RANBP2: variants seen among roughly 807,000 people sequenced by gnomAD.
RANBP2 encodes E3 SUMO-protein ligase RanBP2.
In RANBP2, 57 loss-of-function variants were observed where a neutral mutation model predicts 303.6. The observed-to-expected ratio is 0.19, with a 90% CI of 0.15 to 0.23. RANBP2 has a LOEUF of 0.23. Ranked by LOEUF, RANBP2 falls within the 10% of genes least tolerant of loss-of-function variation. The pLI is 1.00. For missense variants in RANBP2, 3,138 were observed against 3,780.8 expected, an observed-to-expected ratio of 0.83 and a Z score of 4.46; for synonymous variants, 1,167 against 1,301.5, an observed-to-expected ratio of 0.90 and a Z score of 2.23.
chr2:108,946,968 A>T, the RANBP2 span, among the ~76,000 whole-genome samples: 1 of 152,126 alleles, frequency 6.6e-6, no homozygotes, highest in African/African-American at 2.4e-5. Flanking sequence ...TCCAGCATTA[A>T]CCCAAAAGTC....
chr2:109,252,043 T>TA, the RANBP2 span, among the ~76,000 whole-genome samples: 1 of 151,992 alleles, frequency 6.6e-6, no homozygotes, highest in African/African-American at 2.4e-5. Flanking sequence ...GCTAAGGAGT[T>TA]AGAGATCAGC....
At chr2:109,572,587 C>A in the RANBP2 span, among the ~76,000 whole-genome samples, 1 of 147,794 alleles carries the variant, frequency 6.8e-6, no homozygotes, top group Non-Finnish European at 1.5e-5. Flanking sequence ...GACAGGTAGA[C>A]TTCAGCTAAC....
the RANBP2 span, among the ~76,000 whole-genome samples, chr2:109,482,176 G>T: frequency 6.6e-6 from 1 of 152,132 alleles, no homozygotes. Context: ...CTCAGAGCCT[G>T]TTTTTTCTTC....
the RANBP2 span, among the ~76,000 whole-genome samples, chr2:109,062,674 C>T: frequency 1.3e-5 from 2 of 152,212 alleles, no homozygotes; most frequent in African/African-American, 2.4e-5. Context: ...GGCCTTACAC[C>T]TCCTTCCGAA....
At chr2:109,535,957 G>C in the RANBP2 span, among the ~76,000 whole-genome samples, 1 of 148,890 alleles carries the variant, frequency 6.7e-6, no homozygotes, top group Non-Finnish European at 1.5e-5. Flanking sequence ...CAAGTGCACA[G>C]AAGTCAAGAA....
At chr2:109,466,037 G>A in the RANBP2 span, among the ~76,000 whole-genome samples, 1 of 144,658 alleles carries the variant, frequency 6.9e-6, no homozygotes, top group East Asian at 2.2e-4. Context: ...ATAATGCTGA[G>A]CATCTTTTCA....
chr2:109,712,766 A>G, the RANBP2 span, among the ~76,000 whole-genome samples: 1 of 152,224 alleles, frequency 6.6e-6, no homozygotes, highest in African/African-American at 2.4e-5. Context: ...ATTGGCATAA[A>G]GGCAAATATA....
chr2:109,274,332 A>G, the RANBP2 span, among the ~76,000 whole-genome samples: 1 of 152,242 alleles, frequency 6.6e-6, no homozygotes, highest in African/African-American at 2.4e-5. Flanking sequence ...CAAGTATACA[A>G]ATGTTCATAG....
the RANBP2 span, among the ~76,000 whole-genome samples, chr2:109,190,371 G>T: frequency 1.3e-5 from 2 of 152,152 alleles, no homozygotes; most frequent in South Asian, 4.1e-4. Context: ...ATGGGGTTTC[G>T]CCATGTTGGC....
the RANBP2 span, among the ~76,000 whole-genome samples, chr2:109,088,060 C>T: frequency 2.0e-5 from 3 of 152,026 alleles, no homozygotes; most frequent in Admixed American, 6.6e-5. Flanking sequence ...GTCAGGAGCT[C>T]GAGACTAGCC....
the RANBP2 span, among the ~76,000 whole-genome samples, chr2:109,050,131 T>A: frequency 2.4e-5 from 3 of 127,482 alleles, no homozygotes; most frequent in South Asian, 7.0e-4. Context: ...ATTTCAAAGA[T>A]TAAGTATGAA....
intron 17 of RANBP2, among the ~76,000 whole-genome samples, chr2:108,756,957 G>A (rs1388663116): frequency 6.6e-6 from 1 of 152,226 alleles, no homozygotes; most frequent in East Asian, 1.9e-4. Context: ...ACTAGGCACT[G>A]TAGATGGATG....
chr2:109,203,532 G>A, the RANBP2 span, among the ~76,000 whole-genome samples: 4 of 152,196 alleles, frequency 2.6e-5, no homozygotes, highest in African/African-American at 9.7e-5. Flanking sequence ...TCTGATCCCA[G>A]GGCATGCATT....
chr2:109,565,688 C>G, the RANBP2 span: 1 of 1,257,652 alleles, frequency 8.0e-7, no homozygotes, highest in Non-Finnish European at 1.2e-6. Context: ...AAGCATCACC[C>G]CAAAGAAGGC....
the RANBP2 span, among the ~76,000 whole-genome samples, chr2:109,354,265 C>T: frequency 0.011 from 1,628 of 152,300 alleles, 30 homozygotes; most frequent in African/African-American, 0.036. Flanking sequence ...TGGGTCACTG[C>T]GGTGGAGCAG....
chr2:109,117,404 C>G, the RANBP2 span, among the ~76,000 whole-genome samples: 1 of 152,240 alleles, frequency 6.6e-6, no homozygotes, highest in Non-Finnish European at 1.5e-5. Context: ...TGCTAGCAAT[C>G]AGCGAGACTC....
chr2:109,501,499 C>T, the RANBP2 span: 5 of 776,208 alleles, frequency 6.4e-6, no homozygotes, highest in African/African-American at 6.8e-5. Flanking sequence ...TGCTGTTTCC[C>T]CAGGTACCGC....
the RANBP2 span, among the ~76,000 whole-genome samples, chr2:109,220,220 C>G: frequency 1.3e-5 from 2 of 152,142 alleles, no homozygotes; most frequent in Non-Finnish European, 2.9e-5. Context: ...ACTGGATATT[C>G]TTATGCAAAA....
At chr2:108,968,262 T>A in the RANBP2 span, among the ~76,000 whole-genome samples, 1 of 152,208 alleles carries the variant, frequency 6.6e-6, no homozygotes, top group East Asian at 1.9e-4. Flanking sequence ...CCCCTAGATC[T>A]ACTAAATCAG....
Sources: gnomAD v4.1 joint callset for allele counts (sites outside exome capture counted in the v4.1 genomes callset) on GRCh38, gnomAD v4.1.1 for gene constraint, MANE v1.5 for transcripts, NCBI Gene and HGNC (gene_info 2026-07-23, HGNC 2026-07-21) for gene names.